MAP7: variants seen among roughly 807,000 people sequenced by gnomAD.
MAP7 encodes the protein microtubule associated protein 7.
A neutral mutation model predicts 94.8 loss-of-function variants in MAP7; 52 were observed. The observed-to-expected ratio is 0.55, with a 90% CI of 0.44 to 0.69. The LOEUF (loss-of-function observed/expected upper bound fraction) is 0.69. Ranked by LOEUF, MAP7 falls within the 30% of genes least tolerant of loss-of-function variation. MAP7 has a pLI of 0.00. For missense variants in MAP7, 940 were observed against 964.6 expected (o/e 0.97, Z 0.34); for synonymous variants, 350 against 357.0 (o/e 0.98, Z 0.22).
At chr6:136,455,381 T>C (rs530320530) in intron 1 of MAP7, among the ~76,000 whole-genome samples, 2 of 152,056 alleles carry the variant, frequency 1.3e-5, no homozygotes, top group South Asian at 2.1e-4. Flanking sequence ...CACAATACAA[T>C]AGTAGGAGGA....
At chr6:136,456,900 T>C (rs1463070668) in intron 1 of MAP7, among the ~76,000 whole-genome samples, 2 of 147,134 alleles carry the variant, frequency 1.4e-5, no homozygotes, top group East Asian at 4.0e-4. Context: ...CAAAACATTA[T>C]ACCACCAAAG....
At chr6:136,474,050 G>C (rs1038114682) in intron 1 of MAP7, among the ~76,000 whole-genome samples, 8 of 152,024 alleles carry the variant, frequency 5.3e-5, no homozygotes, top group African/African-American at 1.9e-4. Flanking sequence ...GGTTAAGGAG[G>C]ACCCAGTAAT....
chr6:136,491,673 T>C (rs1471509810), intron 1 of MAP7, among the ~76,000 whole-genome samples: 1 of 152,230 alleles, frequency 6.6e-6, no homozygotes, highest in Non-Finnish European at 1.5e-5. Context: ...ATTTTTATAA[T>C]GTGAGTCTAA....
chr6:136,475,275 A>G (rs1458753433), intron 1 of MAP7, among the ~76,000 whole-genome samples: 1 of 152,260 alleles, frequency 6.6e-6, no homozygotes, highest in Non-Finnish European at 1.5e-5. Flanking sequence ...CCAACACTGT[A>G]GGTGAGTTAT....
At chr6:136,513,231 T>C (rs1406000818) in intron 1 of MAP7, among the ~76,000 whole-genome samples, 1 of 152,234 alleles carries the variant, frequency 6.6e-6, no homozygotes, top group Admixed American at 6.5e-5. Context: ...GTATGCGATG[T>C]TGTGTGATAG....
chr6:136,486,864 T>G (rs942885791), intron 1 of MAP7, among the ~76,000 whole-genome samples: 2 of 152,122 alleles, frequency 1.3e-5, no homozygotes, highest in Non-Finnish European at 2.9e-5. Context: ...AAATGGCAAA[T>G]GTTAAAATGG....
In MAP7 at chr6:136,550,399, G is replaced by A. The variant is rs1263527422; in HGVS notation, c.10C>T (p.Leu4=). The A allele has an allele frequency of 1.3e-6, 2 of 1,526,400 alleles. No individual in the cohort carries two copies. Among genetic ancestry groups the A allele is most frequent in the African/African-American group, 2.9e-5 (2 of 70,076 alleles). 94.6% of individuals were successfully genotyped at this position (1,526,400 alleles called of 1,614,324 possible). ...CTGTGGCCGTCGCCGCCAGCTCCTA[G>A]CTCCGCCATGGTGCTCCGATGACGC... MAE[L]GAGGDGHRGG... Residue 4 remains leucine, a synonymous_variant, in exon 1 of 18, where the codon CTA becomes TTA. Transcript: ENST00000354570. This position sits in a 1 kb window ranked among gnomAD's most constrained non-coding sequence, Gnocchi z 5.1.
chr6:136,439,202 C>G (rs1797175247), intron 1 of MAP7, among the ~76,000 whole-genome samples: 1 of 152,110 alleles, frequency 6.6e-6, no homozygotes. Context: ...GAGGTGGGGC[C>G]TTCAGGTGAT....
At chr6:136,391,736 C>T (rs1780835454) in intron 3 of MAP7, among the ~76,000 whole-genome samples, 1 of 148,220 alleles carries the variant, frequency 6.7e-6, no homozygotes, top group African/African-American at 2.5e-5. Context: ...AAAATAAATA[C>T]CACTGTGAGA....
At chr6:136,448,069 G>A (rs904805266) in intron 1 of MAP7, among the ~76,000 whole-genome samples, 2 of 152,136 alleles carry the variant, frequency 1.3e-5, no homozygotes, top group Non-Finnish European at 2.9e-5. Context: ...GCACCTGCCT[G>A]TAATCCCAGC....
intron 1 of MAP7, among the ~76,000 whole-genome samples, chr6:136,449,828 G>C (rs951659006): frequency 6.6e-6 from 1 of 152,214 alleles, no homozygotes; most frequent in Non-Finnish European, 1.5e-5. Context: ...GGCTCTGAGA[G>C]GGAAGAACAC....
At chr6:136,536,590 T>C (rs1200900064) in intron 1 of MAP7, among the ~76,000 whole-genome samples, 1 of 152,212 alleles carries the variant, frequency 6.6e-6, no homozygotes, top group Non-Finnish European at 1.5e-5. Flanking sequence ...AAATCTCTCC[T>C]TTCTCTTAAA....
At chr6:136,452,493 T>G (rs1011682440) in intron 1 of MAP7, among the ~76,000 whole-genome samples, 2 of 152,202 alleles carry the variant, frequency 1.3e-5, no homozygotes, top group Non-Finnish European at 2.9e-5. Context: ...ACTGCTGTCT[T>G]AATGTTTATG....
intron 1 of MAP7, among the ~76,000 whole-genome samples, chr6:136,543,553 G>A (rs1258783355): frequency 2.6e-5 from 4 of 152,170 alleles, no homozygotes; most frequent in Non-Finnish European, 4.4e-5. Flanking sequence ...GGGAGGCTGA[G>A]GCAGGAGAAT....
At chr6:136,500,419 T>G (rs1819499749) in intron 1 of MAP7, among the ~76,000 whole-genome samples, 1 of 152,222 alleles carries the variant, frequency 6.6e-6, no homozygotes, top group African/African-American at 2.4e-5. Context: ...TTAATTAATC[T>G]CTTAACATCT....
chr6:136,470,443 C>T (rs1407917018), intron 1 of MAP7, among the ~76,000 whole-genome samples: 2 of 152,064 alleles, frequency 1.3e-5, no homozygotes, highest in Non-Finnish European at 2.9e-5. Context: ...TTAACACTTC[C>T]ATCACCTCCC....
chr6:136,362,363 T>C, intron 11 of MAP7, 87 bp downstream of exon 11: 2 of 1,505,216 alleles, frequency 1.3e-6, no homozygotes, highest in South Asian at 1.3e-5. Context: ...CTTTCATCAG[T>C]ATTATCACCT....
chr6:136,535,711 TTTC>T (rs772299395), intron 1 of MAP7, among the ~76,000 whole-genome samples: 89 of 148,942 alleles, frequency 6.0e-4, no homozygotes, highest in Non-Finnish European at 1.1e-3. Context: ...AAGCTTTTTT[TTTC>T]TTTTTTTTTT....
chr6:136,489,533 T>G (rs1008994720), intron 1 of MAP7, among the ~76,000 whole-genome samples: 61 of 138,236 alleles, frequency 4.4e-4, no homozygotes, highest in African/African-American at 1.8e-3. Flanking sequence ...TTTCTTTTTT[T>G]TTTTTTTTTT....
Sources: gnomAD v4.1 joint callset for allele counts (sites outside exome capture counted in the v4.1 genomes callset) on GRCh38, gnomAD v4.1.1 for gene constraint, Gnocchi (gnomAD v3.1) non-coding constraint, MANE v1.5 for transcripts, NCBI Gene and HGNC (gene_info 2026-07-23, HGNC 2026-07-21) for gene names.